Variants in UGT2A2 observed in about 807,000 individuals in gnomAD.
The protein encoded by UGT2A2 is UDP glucuronosyltransferase family 2 member A2.
In UGT2A2, 60 loss-of-function variants were observed where a neutral mutation model predicts 50.7. The observed-to-expected ratio is 1.18, with a 90% confidence interval of 0.96 to 1.47. The LOEUF (loss-of-function observed/expected upper bound fraction) is 1.47, where lower values mean the gene tolerates loss of function less well. Ranked by LOEUF, UGT2A2 falls within the 40% of genes most tolerant of loss-of-function variation. The pLI, the probability that UGT2A2 is intolerant of heterozygous loss-of-function variation, is 0.00. For missense variants in UGT2A2, 762 were observed against 634.0 expected (o/e 1.20, Z -2.17); for synonymous variants, 242 against 214.6 (o/e 1.13, Z -1.11).
At chr4:69,595,401 G>C in intron 3 of UGT2A2, 152 bp from the exon 4 acceptor site, 2 of 796,498 alleles carry the variant, frequency 2.5e-6, no homozygotes, top group South Asian at 1.8e-5. Flanking sequence ...TAGTAGGACT[G>C]TTTATATGTA....
At position 69,589,273 on chromosome 4, in the gene UGT2A2, C is replaced by T. The variant is rs4148311; in HGVS notation, c.*99G>A. ...GAAAATTTGGAAACAGGATGGGAGA[C>T]GTGTTTTTGTTAAACTCCTTTTGTC... On this transcript the variant is annotated 3_prime_UTR_variant, in exon 6 of 6. Transcript: ENST00000604629. The T allele has an allele frequency of 5.6e-4, 766 of 1,371,570 alleles. 4 individuals carry two copies. In the East Asian group the frequency reaches 0.014, roughly 25 times the overall value. 85.0% of individuals were successfully genotyped at this position (1,371,570 alleles called of 1,614,324 possible).
At chr4:69,625,700 T>G (rs1721016393) in intron 1 of UGT2A2, among the ~76,000 whole-genome samples, 1 of 151,470 alleles carries the variant, frequency 6.6e-6, no homozygotes, top group African/African-American at 2.4e-5. Context: ...ACTATAGCAC[T>G]TATGTAAATT....
At chr4:69,610,805 G>T (rs902530871) in intron 1 of UGT2A2, among the ~76,000 whole-genome samples, 1 of 152,160 alleles carries the variant, frequency 6.6e-6, no homozygotes, top group Non-Finnish European at 1.5e-5. Flanking sequence ...TGGACGTCTA[G>T]CCATCAGAAC....
rs189133276 is a variant in UGT2A2 at position 69,617,511 on chromosome 4, A to C, written c.743-18117T>G. On this transcript the variant is annotated intron_variant, in intron 1 of 5. Transcript: ENST00000604629. ...CAAAACCAAGATGAACACACACAACATATTTAATAGGAAATATTGTAGCCA... is the reference window on the plus strand; with the variant it reads ...CAAAACCAAGATGAACACACACAACCTATTTAATAGGAAATATTGTAGCCA... Among the ~76,000 whole-genome samples the C allele has an allele frequency of 2.1e-3, 312 of 152,060 alleles. 2 individuals carry two copies. Among genetic ancestry groups the C allele is most frequent in the African/African-American group, 7.3e-3 (302 of 41,542 alleles).
chr4:69,633,738 C>G (rs1318728784), intron 1 of UGT2A2, among the ~76,000 whole-genome samples: 2 of 151,996 alleles, frequency 1.3e-5, no homozygotes, highest in Non-Finnish European at 2.9e-5. Context: ...CGTTTAAAGT[C>G]AAGGAAAATT....
At position 69,594,555 on chromosome 4, in the gene UGT2A2, G is replaced by A; in HGVS notation, c.1253C>T (p.Ala418Val). The change falls in exon 5 of 6, where the codon GCA becomes GTA. Residue 418 changes from alanine (A) to valine (V), a missense_variant. Transcript: ENST00000604629. ...TGTGTTTAGGTTCACTTCCACAGCTGCTCCTTTGGCCTTCATGTGAGCAAT... is the reference window on the plus strand; with the variant it reads ...TGTGTTTAGGTTCACTTCCACAGCTACTCCTTTGGCCTTCATGTGAGCAAT... The part of the protein sequence containing the change: ...DNIAHMKAKG[A>V]AVEVNLNTMT... 1.2e-6 allele frequency: 2 copies of A among 1,614,154 alleles called. No individual in the cohort carries two copies. The highest frequency in any genetic ancestry group is 3.3e-5 in the Admixed American group (2 of 60,008).
chr4:69,597,769 T>C (rs532997217), intron 2 of UGT2A2, among the ~76,000 whole-genome samples: 52 of 152,024 alleles, frequency 3.4e-4, no homozygotes, highest in African/African-American at 1.3e-3. Context: ...TACACATCTA[T>C]CATACTGATA....
chr4:69,622,833 C>A (rs1301144992), intron 1 of UGT2A2, among the ~76,000 whole-genome samples: 1 of 151,718 alleles, frequency 6.6e-6, no homozygotes. Context: ...CGGTCCACAT[C>A]CTATGTCTTG....
chr4:69,638,914 A>G lies in UGT2A2; in HGVS notation c.727T>C (p.Tyr243His). The G allele has an allele frequency of 3.8e-6, 6 of 1,589,540 alleles. No homozygotes were observed. Among genetic ancestry groups the G allele is most frequent in the Non-Finnish European group, 5.1e-6 (6 of 1,167,432 alleles). Reference sequence around the variant, plus strand: ...TTAGACTTACCTAAAATTTTGCTATAGTATGAATTCCATTCTCCCCAGTAG... The same window carrying G: ...TTAGACTTACCTAAAATTTTGCTATGGTATGAATTCCATTCTCCCCAGTAG... Reference protein sequence around the residue: ...QSYWGEWNSYYSKILGRPTTL... With the variant: ...QSYWGEWNSYHSKILGRPTTL... Residue 243 changes from tyrosine (Y) to histidine (H), a missense_variant, in exon 1 of 6, where the codon TAT (tyrosine) becomes CAT (histidine). Transcript: ENST00000604629.
At chr4:69,591,005 G>C (rs1718567218) in intron 5 of UGT2A2, among the ~76,000 whole-genome samples, 1 of 152,140 alleles carries the variant, frequency 6.6e-6, no homozygotes, top group Non-Finnish European at 1.5e-5. Flanking sequence ...TATACCTTGT[G>C]TTCCCAGAGG....
intron 1 of UGT2A2, among the ~76,000 whole-genome samples, chr4:69,627,066 A>G (rs889040232): frequency 2.6e-5 from 4 of 151,896 alleles, no homozygotes; most frequent in Non-Finnish European, 5.9e-5. Context: ...AGGTATATTC[A>G]TTGTTACTGG....
chr4:69,618,105 A>T (rs563712726), intron 1 of UGT2A2, among the ~76,000 whole-genome samples: 20 of 152,072 alleles, frequency 1.3e-4, no homozygotes, highest in African/African-American at 4.8e-4. Context: ...ACATGTTTTT[A>T]TATAGATATT....
chr4:69,637,389 G>GA (rs1297760843), intron 1 of UGT2A2, among the ~76,000 whole-genome samples: 5 of 152,080 alleles, frequency 3.3e-5, no homozygotes, highest in African/African-American at 1.2e-4. Flanking sequence ...ATCAAGAGAA[G>GA]AAAAAAGATA....
Position 69,596,241 on chromosome 4 carries a change from T to C in UGT2A2, c.1023+9A>G. 6.5e-7 allele frequency: 1 copy of C among 1,541,198 alleles called. No homozygotes were observed. The highest frequency in any genetic ancestry group is 8.7e-7 in the Non-Finnish European group (1 of 1,143,318). On this transcript the variant is annotated intron_variant, in intron 3 of 5. Transcript: ENST00000604629. ...AAAGCTGTGTACCAGGATTCCAGGC[T>C]GTACTGACCTTCTGTGGAATCTGGG... is the stretch of plus-strand genomic sequence containing the variant.
intron 1 of UGT2A2, among the ~76,000 whole-genome samples, chr4:69,632,885 CA>C (rs199639033): frequency 0.023 from 2,002 of 87,440 alleles, 10 homozygotes; most frequent in Middle Eastern, 0.068. Context: ...AAGACTCGGT[CA>C]AAAAAAAAAA....
intron 1 of UGT2A2, among the ~76,000 whole-genome samples, chr4:69,628,888 A>G (rs1282551903): frequency 6.6e-6 from 1 of 151,654 alleles, no homozygotes; most frequent in Admixed American, 6.6e-5. Flanking sequence ...AGCCACTATT[A>G]AGTTATAGTC....
intron 1 of UGT2A2, among the ~76,000 whole-genome samples, chr4:69,624,057 T>C (rs1431384582): frequency 2.0e-5 from 3 of 151,648 alleles, no homozygotes. Flanking sequence ...TGTGTGCTTG[T>C]ATTATCAATT....
chr4:69,623,086 A>C (rs4473712), intron 1 of UGT2A2, among the ~76,000 whole-genome samples: 122,955 of 151,762 alleles, frequency 0.81, 50,069 homozygotes, highest in African/African-American at 0.89. Flanking sequence ...ATAAACACAG[A>C]TAACAGCTAC....
chr4:69,620,189 A>C (rs370917499), intron 1 of UGT2A2, among the ~76,000 whole-genome samples: 3 of 152,032 alleles, frequency 2.0e-5, no homozygotes, highest in Non-Finnish European at 2.9e-5. Context: ...GAGAAAGTCA[A>C]ACTTTCCTGG....
Sources: gnomAD v4.1 joint callset for allele counts (sites outside exome capture counted in the v4.1 genomes callset) on GRCh38, gnomAD v4.1.1 for gene constraint, MANE v1.5 for transcripts, NCBI Gene and HGNC (gene_info 2026-07-23, HGNC 2026-07-21) for gene names.